Variants in BRD4 observed in about 807,000 individuals in gnomAD.
BRD4 encodes the protein bromodomain containing 4, also known as bromodomain-containing protein 4.
BRD4 carries 16 observed loss-of-function variants against 142.1 expected under a neutral mutation model. That is an observed-to-expected ratio of 0.11 (90% CI 0.08 to 0.17). The LOEUF (loss-of-function observed/expected upper bound fraction) is 0.17. BRD4 is among the 10% of genes least tolerant of loss of function. The pLI is 1.00. For synonymous variants in BRD4, 833 were observed against 707.5 expected, an observed-to-expected ratio of 1.18 and a Z score of -2.82; for missense variants, 1,424 against 1,810.9, an observed-to-expected ratio of 0.79 and a Z score of 3.88.
intron 11 of BRD4, among the ~76,000 whole-genome samples, chr19:15,249,585 C>G (rs763922929): frequency 6.6e-6 from 1 of 152,208 alleles, no homozygotes; most frequent in African/African-American, 2.4e-5. Context: ...GCAAGCTCCA[C>G]GTGTGCCCTG....
rs1233820799 is a variant in BRD4, at chr19:15,239,480, C to T, written c.3488G>A (p.Arg1163Gln). 3 of 1,614,022 alleles carry T rather than the reference C, an allele frequency of 1.9e-6. No individual in the cohort carries two copies. Among genetic ancestry groups the T allele is most frequent in the Middle Eastern group, 1.7e-4 (1 of 6,060 alleles). ...TGGCGGTGCGTTCTGCTCTGGGGGC[C>T]GGATCACAGGCCTCCCGACATCCAC... ...KPVDVGRPVI[R>Q]PPEQNAPPPG... Residue 1163 changes from arginine to glutamine, a missense_variant, in exon 17 of 20, where the codon CGG (arginine) becomes CAG (glutamine). Physicochemically the swap from Arg to Gln is conservative, Grantham distance 43 (BLOSUM62 1). Around this residue, in one of 16 missense-constraint regions of BRD4, gnomAD observed 598 missense variants for 647.8 expected, o/e 0.92. Coordinates refer to ENST00000679869, the MANE Select transcript of BRD4 (RefSeq NM_001379291.1). This position sits in a 1 kb window ranked among gnomAD's most constrained non-coding sequence, Gnocchi z 7.4.
intron 1 of BRD4, among the ~76,000 whole-genome samples, chr19:15,285,298 G>A (rs936008946): frequency 5.3e-5 from 8 of 152,330 alleles, no homozygotes; most frequent in Non-Finnish European, 7.3e-5. Context: ...CCCTAGGAAC[G>A]CCTCACCACC....
intron 1 of BRD4, among the ~76,000 whole-genome samples, chr19:15,319,867 C>T (rs1021234745): frequency 6.6e-6 from 1 of 151,594 alleles, no homozygotes; most frequent in Non-Finnish European, 1.5e-5. Flanking sequence ...TTTGGGGAGG[C>T]TGAGACTACA....
intron 1 of BRD4, among the ~76,000 whole-genome samples, chr19:15,329,851 A>G (rs776960244): frequency 2.0e-5 from 3 of 152,250 alleles, no homozygotes; most frequent in Non-Finnish European, 2.9e-5. Flanking sequence ...CACCTCCTAA[A>G]GCAAAAGTGC....
At chr19:15,256,000 C>T (rs1207581003) in intron 9 of BRD4, 64 bp downstream of exon 9, 2 of 1,579,556 alleles carry the variant, frequency 1.3e-6, no homozygotes, top group Admixed American at 1.8e-5. Flanking sequence ...CAGTGGCCCA[C>T]ACAGTCTCAG....
chr19:15,249,249 G>A, intron 11 of BRD4: 1 of 1,614,008 alleles, frequency 6.2e-7, no homozygotes, highest in Non-Finnish European at 8.5e-7. Context: ...TGGAACTGAA[G>A]ACCGTTTTAT....
chr19:15,325,773 C>T (rs960459961), intron 1 of BRD4, among the ~76,000 whole-genome samples: 7 of 151,566 alleles, frequency 4.6e-5, no homozygotes, highest in South Asian at 2.1e-4. Context: ...CTGAGGCGGG[C>T]GGATCACCTG....
Position 15,268,939 on chromosome 19 carries a change from T to C in BRD4, c.389A>G (p.Asn130Ser). The change falls in exon 3 of 20, where the codon AAC becomes AGC. Residue 130 changes from asparagine to serine, a missense_variant. This residue lies in a region of BRD4 where 55 missense variants were observed against 160.7 expected (regional missense o/e 0.34). Coordinates refer to ENST00000679869, the MANE Select transcript of BRD4 (RefSeq NM_001379291.1). ...WNAQECIQDF[N>S]TMFTNCYIYN... Reference sequence around the variant, plus strand: ...GATGTAACAATTTGTAAACATAGTGTTGAAGTCCTGGATACATTCCTGAGC... The same window carrying C: ...GATGTAACAATTTGTAAACATAGTGCTGAAGTCCTGGATACATTCCTGAGC... The C allele has an allele frequency of 1.2e-6, 2 of 1,614,260 alleles. No homozygotes were observed. The highest frequency in any genetic ancestry group is 1.7e-6 in the Non-Finnish European group (2 of 1,180,044).
At chr19:15,269,736 T>C (rs2047568002) in intron 2 of BRD4, among the ~76,000 whole-genome samples, 1 of 152,076 alleles carries the variant, frequency 6.6e-6, no homozygotes, top group Admixed American at 6.6e-5. Flanking sequence ...AAATAAAAAA[T>C]CCACCATCCC....
In BRD4 at chr19:15,239,986, T is replaced by C. The variant is rs1403264331; in HGVS notation, c.3206A>G (p.His1069Arg). 5 of 1,612,966 alleles carry C rather than the reference T, an allele frequency of 3.1e-6. No individual in the cohort carries two copies. Among genetic ancestry groups the C allele is most frequent in the East Asian group, 2.2e-5 (1 of 44,826 alleles). ...LREAPSPLMI[H>R]SPQMSQFQSL... Reference sequence around the variant, plus strand: ...CTGGAACTGTGACATCTGGGGGGAATGTATCATAAGCGGGGAGGGGGCTTC... The same window carrying C: ...CTGGAACTGTGACATCTGGGGGGAACGTATCATAAGCGGGGAGGGGGCTTC... Residue 1069 changes from histidine (H) to arginine (R), a missense_variant, in exon 15 of 20, where the codon CAT (histidine) becomes CGT (arginine). Coordinates refer to ENST00000679869, the MANE Select transcript of BRD4 (RefSeq NM_001379291.1). The surrounding 1 kb of genome is among the most constrained non-coding windows in gnomAD (Gnocchi z 7.4).
At position 15,285,591 on chromosome 19, in the gene BRD4, G is replaced by A. The variant is rs568460193; in HGVS notation, c.-34-12458C>T. On this transcript the variant is annotated intron_variant, in intron 1 of 19. Coordinates refer to ENST00000679869, the MANE Select transcript of BRD4 (RefSeq NM_001379291.1). The stretch of plus-strand genomic sequence containing the variant: ...AAAAAAGAAAAAAAAATCTAAGGAT[G>A]TAGAAATAAGGTGCATCACACATAA... Among the ~76,000 whole-genome samples the A allele has an allele frequency of 6.6e-5, 10 of 152,256 alleles. No individual in the cohort carries two copies. The South Asian group carries it at 2.1e-3, about 32-fold the overall frequency.
In BRD4 at chr19:15,273,137, C is replaced by A; in HGVS notation, c.-34-4G>T. 6.5e-7 allele frequency: 1 copy of A among 1,546,414 alleles called. No individual in the cohort carries two copies. The highest frequency in any genetic ancestry group is 8.7e-7 in the Non-Finnish European group (1 of 1,144,334). ...ATCACATTCTTCACCAGGCACTCTA[C>A]AAAGGAAGAGAAGAGCCCCCGTGAG... is the stretch of plus-strand genomic sequence containing the variant. On this transcript the variant is annotated splice_region_variant and splice_polypyrimidine_tract_variant and intron_variant, in intron 1 of 19. Transcript: ENST00000679869.
intron 1 of BRD4, among the ~76,000 whole-genome samples, chr19:15,330,361 T>C (rs1022693716): frequency 3.9e-5 from 6 of 152,320 alleles, no homozygotes; most frequent in African/African-American, 1.4e-4. Flanking sequence ...TATCTTTCCC[T>C]GGCTGAAGTT....
At chr19:15,289,807 C>G (rs2047768126) in intron 1 of BRD4, among the ~76,000 whole-genome samples, 2 of 152,112 alleles carry the variant, frequency 1.3e-5, no homozygotes, top group Non-Finnish European at 2.9e-5. Flanking sequence ...GACACTGGAG[C>G]CCCCCAGCCT....
chr19:15,254,046 TG>T, intron 11 of BRD4, 105 bp downstream of exon 11: 2 of 946,694 alleles, frequency 2.1e-6, no homozygotes, highest in South Asian at 1.5e-5. Flanking sequence ...CAGCAAGTTC[TG>T]GGAGTGCCGT....
chr19:15,297,295 C>A (rs2047831311), intron 1 of BRD4, among the ~76,000 whole-genome samples: 1 of 152,190 alleles, frequency 6.6e-6, no homozygotes, highest in Non-Finnish European at 1.5e-5. Context: ...GCACAGACTG[C>A]AGAGCCTTCC....
intron 1 of BRD4, among the ~76,000 whole-genome samples, chr19:15,290,543 AT>A (rs1701502127): frequency 6.6e-6 from 1 of 152,178 alleles, no homozygotes; most frequent in African/African-American, 2.4e-5. Flanking sequence ...GGGTGCAAGT[AT>A]ACACCTAGAA....
rs2047957505 is a variant in BRD4, at chr19:15,310,358, T to TTCCCC, written c.-35+21931_-35+21932insGGGGA. On this transcript the variant is annotated intron_variant, in intron 1 of 19. Coordinates refer to ENST00000679869, the MANE Select transcript of BRD4 (RefSeq NM_001379291.1). ...CACCATGTCCGGCTGATTTTTGGAT[T>TTCCCC]CCCCCCCCCCCCCCCCCCCCCCGAA... Among the ~76,000 whole-genome samples the TTCCCC allele has an allele frequency of 7.8e-5, 2 of 25,674 alleles. 1 individual carries two copies. The highest frequency in any genetic ancestry group is 1.9e-4 in the Non-Finnish European group (2 of 10,632). The allele number at this position is 25,674 out of a possible 152,430, so 16.8% of individuals were successfully genotyped here.
intron 11 of BRD4, 67 bp downstream of exon 11, chr19:15,254,085 G>T: frequency 1.5e-6 from 2 of 1,349,342 alleles, no homozygotes; most frequent in Non-Finnish European, 1.1e-6. Flanking sequence ...CTGGACACAG[G>T]ACCGAGCTAG....
Sources: allele counts gnomAD v4.1 joint callset (sites outside exome capture counted in the v4.1 genomes callset), GRCh38; gene constraint gnomAD v4.1.1; regional missense constraint gnomAD v4.1.1; non-coding constraint Gnocchi (gnomAD v3.1); transcripts MANE v1.5; gene names NCBI Gene and HGNC (gene_info 2026-07-23, HGNC 2026-07-21).